Variants in ATP5F1A observed in about 807,000 individuals in gnomAD.
ATP5F1A encodes the protein ATP synthase F1 subunit alpha.
Under a neutral mutation model 57.4 loss-of-function variants are expected in ATP5F1A, and 24 were observed. The ratio of observed to expected loss-of-function variants is 0.42; its 90% CI spans 0.30 to 0.59. ATP5F1A has a LOEUF of 0.59. ATP5F1A is among the 20% of genes least tolerant of loss of function. The pLI, the probability that ATP5F1A is intolerant of heterozygous loss-of-function variation, is 0.19. For missense variants in ATP5F1A, 494 were observed against 707.9 expected (o/e 0.70, Z 3.43); for synonymous variants, 251 against 255.5 (o/e 0.98, Z 0.17).
intron 1 of ATP5F1A, chr18:46,097,962 ACTGT>A: frequency 7.6e-7 from 1 of 1,308,542 alleles, no homozygotes; most frequent in Non-Finnish European, 9.7e-7. Flanking sequence ...CATCGAGTTA[ACTGT>A]CTGCCCTGTA....
At chr18:46,086,580 G>A in intron 8 of ATP5F1A, 86 bp from the exon 9 acceptor site, 3 of 1,305,924 alleles carry the variant, frequency 2.3e-6, no homozygotes, top group Non-Finnish European at 2.1e-6. Context: ...CCAAAAAGCT[G>A]AAACTCAAAA....
In ATP5F1A at chr18:46,091,671, T is replaced by A; in HGVS notation, c.309+11A>T. ...GATCCTAAAACACCAAAATCTTATT[T>A]TATAATTTACCTTTAAGCCTGAAGA... is the stretch of plus-strand genomic sequence containing the variant. On this transcript the variant is annotated intron_variant, in intron 3 of 11. Transcript: ENST00000398752. 1 of 1,567,426 alleles carries A rather than the reference T, an allele frequency of 6.4e-7. No individual in the cohort carries two copies. The highest frequency in any genetic ancestry group is 8.6e-7 in the Non-Finnish European group (1 of 1,160,842).
chr18:46,093,715 T>C (rs1473383849), intron 2 of ATP5F1A, among the ~76,000 whole-genome samples: 1 of 151,422 alleles, frequency 6.6e-6, no homozygotes, highest in African/African-American at 2.4e-5. Flanking sequence ...TCCTAGCCAC[T>C]AGGGAAGCTG....
upstream of ATP5F1A, among the ~76,000 whole-genome samples, chr18:46,103,012 T>A (rs1448581972): frequency 2.0e-5 from 3 of 151,408 alleles, no homozygotes; most frequent in African/African-American, 7.3e-5. Flanking sequence ...GAAAAGAAAA[T>A]CATTTTAGGC....
At position 46,095,113 on chromosome 18, in the gene ATP5F1A, C is replaced by T. The variant is rs746509051; in HGVS notation, c.79G>A (p.Gly27Ser). ...TTCCTTGCAGCAATGAAAGATGAAC[C>T]CAAAGCATTTCTGGAGACCTAGTGC... Reference protein sequence around the residue: ...RAGLVSRNALGSSFIAARNFH... With the variant: ...RAGLVSRNALSSSFIAARNFH... Residue 27 changes from glycine (G) to serine (S), a missense_variant, in exon 2 of 12, where the codon GGT (glycine) becomes AGT (serine). Coordinates refer to ENST00000398752, the MANE Select transcript of ATP5F1A (RefSeq NM_004046.6). The T allele has an allele frequency of 1.3e-5, 21 of 1,613,052 alleles. No homozygotes were observed. In the East Asian group the frequency reaches 4.7e-4, roughly 36 times the overall value.
chr18:46,098,220 C>A lies in ATP5F1A; in HGVS notation c.12G>T (p.Val4=), dbSNP rs1300638052. ...CGCGGACCACGGCCGCAGCAACGCG[C>A]ACGGACAGCATCTTTGCAGTTACTC... MLS[V]RVAAAVVRAL... is the part of the protein sequence containing the mutation. The change falls in exon 1 of 12, where the codon GTG becomes GTT. Residue 4 remains valine (V), a synonymous_variant. Transcript: ENST00000398752. 2 of 1,606,944 alleles carry A rather than the reference C, an allele frequency of 1.2e-6. No individual in the cohort carries two copies. Among genetic ancestry groups the A allele is most frequent in the Non-Finnish European group, 1.7e-6 (2 of 1,179,194 alleles).
At chr18:46,094,265 C>A (rs1055305148) in intron 2 of ATP5F1A, among the ~76,000 whole-genome samples, 1 of 152,026 alleles carries the variant, frequency 6.6e-6, no homozygotes, top group Non-Finnish European at 1.5e-5. Flanking sequence ...AAAGAAATTC[C>A]CCAACTTATA....
At chr18:46,089,519 T>C (rs759464294) in intron 5 of ATP5F1A, 47 bp downstream of exon 5, 5 of 1,602,724 alleles carry the variant, frequency 3.1e-6, no homozygotes, top group South Asian at 1.1e-5. Context: ...AATCCTTCCA[T>C]TGAGCAAATT....
upstream of ATP5F1A, among the ~76,000 whole-genome samples, chr18:46,100,251 T>TAAAAAAAA (rs34683117): frequency 2.9e-5 from 2 of 68,664 alleles, no homozygotes; most frequent in African/African-American, 1.1e-4. Flanking sequence ...AAACTCCATC[T>TAAAAAAAA]AAAAAAAAAA....
chr18:46,088,688 C>T (rs1910310795), intron 5 of ATP5F1A: 1 of 154,190 alleles, frequency 6.5e-6, no homozygotes, highest in South Asian at 2.0e-4. Context: ...GATATGGCCT[C>T]GTGGGAAGGG....
At chr18:46,097,983 T>C (rs931944710) in intron 1 of ATP5F1A, 189 bp downstream of exon 1, 112 of 1,409,992 alleles carry the variant, frequency 7.9e-5, no homozygotes, top group Non-Finnish European at 9.9e-5. Context: ...TGTACCATTC[T>C]GCCTCTGCGC....
At chr18:46,100,507 AGCCAAGATGAGAG>A (rs1458578713), upstream of ATP5F1A, among the ~76,000 whole-genome samples, 1 of 151,874 alleles carries the variant, frequency 6.6e-6, no homozygotes, top group African/African-American at 2.4e-5. Flanking sequence ...CACGTTGGGA[AGCCAAGATGAGAG>A]GTTCACTTGA....
chr18:46,096,500 CAAAAAA>C (rs770383471), intron 1 of ATP5F1A, among the ~76,000 whole-genome samples: 1 of 70,648 alleles, frequency 1.4e-5, no homozygotes, highest in Non-Finnish European at 2.7e-5. Flanking sequence ...AACTCCGTCT[CAAAAAA>C]AAAAAAAAAA....
At chr18:46,100,251 TAAAAAAAAAAAAAA>T (rs34683117), upstream of ATP5F1A, among the ~76,000 whole-genome samples, 9 of 68,664 alleles carry the variant, frequency 1.3e-4, no homozygotes, top group South Asian at 3.9e-3. Flanking sequence ...AAACTCCATC[TAAAAAAAAAAAAAA>T]AAAAAAAGAA....
intron 8 of ATP5F1A, 64 bp from the exon 9 acceptor site, chr18:46,086,558 T>C: frequency 6.8e-7 from 1 of 1,461,728 alleles, no homozygotes; most frequent in Non-Finnish European, 9.4e-7. Flanking sequence ...TCTTCAAATT[T>C]AAGTCATTAT....
chr18:46,090,159 CTGAT>C (rs1011817136), intron 3 of ATP5F1A, among the ~76,000 whole-genome samples, 163 bp from the exon 4 acceptor site: 1 of 152,178 alleles, frequency 6.6e-6, no homozygotes, highest in Non-Finnish European at 1.5e-5. Context: ...ACAACCCTCT[CTGAT>C]TAAGACTTTT....
Position 46,081,128 on chromosome 18 carries a change from C to T in ATP5F1A, c.*3154G>A, listed in dbSNP as rs1464645249. On this transcript the variant is annotated 3_prime_UTR_variant, in exon 12 of 12. Coordinates refer to ENST00000398752, the MANE Select transcript of ATP5F1A (RefSeq NM_004046.6). ...CTGGGCAACAAAAACAAAACTCCGT[C>T]TCAAAAAAAAAAAAAAAAAAAAAAA... 1.2e-5 allele frequency: 1 copy of T among 86,000 alleles called. No individual in the cohort carries two copies. The highest frequency in any genetic ancestry group is 2.9e-4 in the East Asian group (1 of 3,478). 5.3% of individuals were successfully genotyped at this position (86,000 alleles called of 1,614,324 possible). A position where few individuals can be genotyped will look rare whatever the true frequency, so the allele number is the denominator to read the frequency against.
chr18:46,091,984 C>A lies in ATP5F1A; in HGVS notation c.140-133G>T, dbSNP rs564632235. The A allele has an allele frequency of 2.0e-5, 14 of 703,912 alleles. No individual in the cohort carries two copies. In the East Asian group the frequency reaches 2.2e-4, roughly 11 times the overall value. 43.6% of individuals were successfully genotyped at this position (703,912 alleles called of 1,614,324 possible). On this transcript the variant is annotated intron_variant, in intron 2 of 11. Transcript: ENST00000398752. Reference sequence around the variant, plus strand: ...GGGCAGGAGTTTGAGACCAGCCTGACCAACATGGAGAACCCTGTCTCTACT... The same window carrying A: ...GGGCAGGAGTTTGAGACCAGCCTGAACAACATGGAGAACCCTGTCTCTACT...
chr18:46,093,764 C>T lies in ATP5F1A; in HGVS notation c.139+1289G>A, dbSNP rs544432481. Among the ~76,000 whole-genome samples the T allele has an allele frequency of 2.5e-4, 38 of 152,018 alleles. No homozygotes were observed. The South Asian group carries it at 7.9e-3, about 32-fold the overall frequency. On this transcript the variant is annotated intron_variant, in intron 2 of 11. Transcript: ENST00000398752. ...ACTTGAACCTGGGAGGTGGAGGTTG[C>T]AGTGAGCTGAGATGGCGCAACTGCA...
Sources: allele counts gnomAD v4.1 joint callset (sites outside exome capture counted in the v4.1 genomes callset), GRCh38; gene constraint gnomAD v4.1.1; transcripts MANE v1.5; gene names NCBI Gene and HGNC (gene_info 2026-07-23, HGNC 2026-07-21).